Variants in IL1RAPL2 observed in about 807,000 individuals in gnomAD.
The protein encoded by IL1RAPL2 is X-linked interleukin-1 receptor accessory protein-like 2.
Under a neutral mutation model 44.1 loss-of-function variants are expected in IL1RAPL2, and 3 were observed. That is an observed-to-expected ratio of 0.07 (90% CI 0.03 to 0.18). The LOEUF (loss-of-function observed/expected upper bound fraction) is 0.18. Among genes scored for constraint, IL1RAPL2 ranks in the 10% least tolerant of loss-of-function variants. The probability of loss-of-function intolerance (pLI) is 1.00; values close to 1 mark genes in which losing one functional copy is unlikely to be tolerated. For missense variants in IL1RAPL2, 391 were observed against 496.4 expected (o/e 0.79, Z 2.02); for synonymous variants, 181 against 178.8 (o/e 1.01, Z -0.10).
chrX:104,916,884 T>C (rs1276201611), intron 2 of IL1RAPL2, among the ~76,000 whole-genome samples: 2 of 111,764 alleles, frequency 1.8e-5, no homozygotes, highest in African/African-American at 6.5e-5. Context: ...TTGATTTGCG[T>C]ATATTGAACC....
intron 6 of IL1RAPL2, among the ~76,000 whole-genome samples, chrX:105,528,260 C>T (rs2036607727): frequency 9.0e-6 from 1 of 111,304 alleles, no homozygotes; most frequent in African/African-American, 3.3e-5. Context: ...CCTACAACAG[C>T]CCCATAAAGT....
At chrX:105,037,842 G>T (rs773511589) in intron 2 of IL1RAPL2, among the ~76,000 whole-genome samples, 2 of 111,579 alleles carry the variant, frequency 1.8e-5, no homozygotes, top group South Asian at 3.7e-4. Context: ...AGAACTTCTC[G>T]AAAGAGTTTT....
intron 2 of IL1RAPL2, among the ~76,000 whole-genome samples, chrX:104,998,112 A>G (rs2030781198): frequency 9.0e-6 from 1 of 111,675 alleles, no homozygotes; most frequent in Admixed American, 9.5e-5. Context: ...AGGAGAATCC[A>G]ACAAAGGAGA....
At chrX:104,997,616 G>C (rs1296519091) in intron 2 of IL1RAPL2, among the ~76,000 whole-genome samples, 1 of 111,875 alleles carries the variant, frequency 8.9e-6, no homozygotes, top group Non-Finnish European at 1.9e-5. Context: ...ATGCTGGCTT[G>C]AGCTAAACAG....
chrX:105,056,212 C>T (rs1282508907), intron 2 of IL1RAPL2, among the ~76,000 whole-genome samples: 4 of 111,341 alleles, frequency 3.6e-5, no homozygotes, highest in African/African-American at 1.3e-4. Context: ...TACTGGAAGT[C>T]TTCTTTGTGC....
intron 2 of IL1RAPL2, among the ~76,000 whole-genome samples, chrX:105,035,737 G>GA (rs750473183): frequency 4.5e-5 from 5 of 112,179 alleles, no homozygotes; most frequent in East Asian, 5.6e-4. Context: ...GGTCAAAGGA[G>GA]AAAAAATCAC....
At position 104,590,052 on chromosome X, in the gene IL1RAPL2, GTTGT is replaced by G. The variant is rs757986745; in HGVS notation, c.-20+23009_-20+23012del. ...CCTAAGTTGGGTTTTTTGTTTGTTT[GTTGT>G]TTGTTTGAGACAGAGTCTTACTCTG... On this transcript the variant is annotated intron_variant, in intron 1 of 10. Transcript: ENST00000372582. Among the ~76,000 whole-genome samples, 178 of 111,257 alleles carry G rather than the reference GTTGT, an allele frequency of 1.6e-3. 2 individuals are homozygous for G. Among genetic ancestry groups the G allele is most frequent in the Middle Eastern group, 4.6e-3 (1 of 216 alleles).
At chrX:105,006,227 G>A (rs887119262) in intron 2 of IL1RAPL2, among the ~76,000 whole-genome samples, 1 of 110,112 alleles carries the variant, frequency 9.1e-6, no homozygotes, top group Admixed American at 9.8e-5. Flanking sequence ...TATTTGTGTT[G>A]CTCTTACTTT....
chrX:105,580,928 C>T (rs977044620), intron 6 of IL1RAPL2, among the ~76,000 whole-genome samples: 2 of 112,069 alleles, frequency 1.8e-5, no homozygotes, highest in Non-Finnish European at 3.8e-5. Context: ...AAGTAATTTA[C>T]ATTTGGCTTG....
intron 2 of IL1RAPL2, among the ~76,000 whole-genome samples, chrX:104,720,835 C>T (rs1931661990): frequency 9.0e-6 from 1 of 111,560 alleles, no homozygotes; most frequent in Non-Finnish European, 1.9e-5. Context: ...GTCAGTCCAA[C>T]TGCCTGATGA....
chrX:105,646,091 T>A, intron 6 of IL1RAPL2, among the ~76,000 whole-genome samples: 1 of 111,570 alleles, frequency 9.0e-6, no homozygotes, highest in East Asian at 2.8e-4. Flanking sequence ...GCTTTAGTGG[T>A]GAACCTGGGG....
At chrX:105,054,749 G>A (rs2031971380) in intron 2 of IL1RAPL2, among the ~76,000 whole-genome samples, 2 of 111,968 alleles carry the variant, frequency 1.8e-5, no homozygotes, top group African/African-American at 6.5e-5. Context: ...GAATTTTCTT[G>A]GACAGTACTG....
rs150016851 is a variant in IL1RAPL2 at position 105,275,189 on chromosome X, T to A, written c.697+7648T>A. Among the ~76,000 whole-genome samples the A allele has an allele frequency of 1.7e-3, 187 of 109,679 alleles. 4 individuals carry two copies. In the East Asian group the frequency reaches 0.046, roughly 27 times the overall value. ...TCAGGCCACTGCACTCTAGCCTGGG[T>A]TACAGAGTGAGACTCCATCTCAAAA... On this transcript the variant is annotated intron_variant, in intron 5 of 10. Transcript: ENST00000372582.
At chrX:104,999,305 G>A (rs1018230736) in intron 2 of IL1RAPL2, among the ~76,000 whole-genome samples, 1 of 111,493 alleles carries the variant, frequency 9.0e-6, no homozygotes, top group African/African-American at 3.3e-5. Context: ...GTGTGGGGTA[G>A]GAGTGGGAGG....
At chrX:105,299,395 C>G (rs746849464) in intron 5 of IL1RAPL2, among the ~76,000 whole-genome samples, 13 of 110,459 alleles carry the variant, frequency 1.2e-4, no homozygotes, top group Non-Finnish European at 2.5e-4. Flanking sequence ...ATTAATCTCC[C>G]CAAGGAGTTT....
chrX:105,384,995 A>AT (rs1416355165), intron 5 of IL1RAPL2, among the ~76,000 whole-genome samples: 1 of 111,096 alleles, frequency 9.0e-6, no homozygotes, highest in Non-Finnish European at 1.9e-5. Flanking sequence ...GTTCTAATAG[A>AT]TTTTTTGGTA....
chrX:105,200,316 A>C (rs1374196605), intron 3 of IL1RAPL2, among the ~76,000 whole-genome samples: 1 of 112,057 alleles, frequency 8.9e-6, no homozygotes, highest in Non-Finnish European at 1.9e-5. Flanking sequence ...GCTAATGAAT[A>C]ATTTTTAAAT....
intron 2 of IL1RAPL2, among the ~76,000 whole-genome samples, chrX:104,919,137 A>G (rs1037788098): frequency 1.8e-5 from 2 of 111,493 alleles, no homozygotes; most frequent in Non-Finnish European, 3.8e-5. Flanking sequence ...TACACAGCAT[A>G]GGATACTACA....
At chrX:105,674,189 A>T (rs1307860848) in intron 6 of IL1RAPL2, among the ~76,000 whole-genome samples, 1 of 111,836 alleles carries the variant, frequency 8.9e-6, no homozygotes, top group Non-Finnish European at 1.9e-5. Context: ...CCCATTTATC[A>T]ATTTTTGCTT....
Sources: allele counts gnomAD v4.1 joint callset (sites outside exome capture counted in the v4.1 genomes callset), GRCh38; gene constraint gnomAD v4.1.1; transcripts MANE v1.5; gene names NCBI Gene and HGNC (gene_info 2026-07-23, HGNC 2026-07-21).